IRAK4: variants seen among roughly 807,000 people sequenced by gnomAD.
IRAK4 encodes interleukin 1 receptor associated kinase 4.
In IRAK4, 44 loss-of-function variants were observed where a neutral mutation model predicts 51.8. That is an observed-to-expected ratio of 0.85 (90% CI 0.67 to 1.09). The LOEUF is 1.09. IRAK4 is among the 50% of genes least tolerant of loss of function. The pLI, the probability that IRAK4 is intolerant of heterozygous loss-of-function variation, is 0.00. For synonymous variants in IRAK4, 149 were observed against 174.1 expected (o/e 0.86, Z 1.13); for missense variants, 487 against 538.0 (o/e 0.91, Z 0.94).
intron 1 of IRAK4, chr12:43,760,783 C>T (rs954829401): frequency 6.6e-6 from 1 of 152,186 alleles, no homozygotes; most frequent in African/African-American, 2.4e-5. Flanking sequence ...TCTTTCATTT[C>T]ACTTGGCACC....
chr12:43,768,334 G>A (rs957530878), intron 2 of IRAK4, 62 bp downstream of exon 2: 1 of 1,282,374 alleles, frequency 7.8e-7, no homozygotes, highest in South Asian at 1.3e-5. Flanking sequence ...TGATTAATTG[G>A]TATAAGTACT....
chr12:43,788,861 G>A lies in IRAK4; in HGVS notation c.*2146G>A, dbSNP rs1942381145. On this transcript the variant is annotated 3_prime_UTR_variant, in exon 12 of 12. Transcript: ENST00000613694. ...TGGGTTTCAGACTTGCCAGGATCCT[G>A]TTGCCCCTTTCTTTAGCCAATTTCT... 2 of 152,104 alleles carry A rather than the reference G, an allele frequency of 1.3e-5. No individual in the cohort carries two copies. Among genetic ancestry groups the A allele is most frequent in the African/African-American group, 4.8e-5 (2 of 41,406 alleles). The allele number at this position is 152,104 out of a possible 1,614,324, so 9.4% of individuals were successfully genotyped here. A position where few individuals can be genotyped will look rare whatever the true frequency, so the allele number is the denominator to read the frequency against.
chr12:43,761,465 CTT>C (rs200552413), intron 1 of IRAK4, among the ~76,000 whole-genome samples: 3 of 145,994 alleles, frequency 2.1e-5, no homozygotes, highest in Admixed American at 1.4e-4. Context: ...ATAATTGCTC[CTT>C]TTTTTTTTTG....
chr12:43,768,187 A>G lies in IRAK4; in HGVS notation c.76A>G (p.Ile26Val), dbSNP rs768548402. ...ACTAATTAGGAAGCTGTCAGATTTT[A>G]TTGATCCTCAAGAAGGATGGAAGAA... The part of the protein sequence containing the change: ...VGLIRKLSDF[I>V]DPQEGWKKLA... The change falls in exon 2 of 12, where the codon ATT becomes GTT. Residue 26 changes from isoleucine (I) to valine (V), a missense_variant. Ile to Val is a conservative substitution (Grantham distance 29). Transcript: ENST00000613694. 2.2e-5 allele frequency: 35 copies of G among 1,613,216 alleles called. No individual in the cohort carries two copies. Among genetic ancestry groups the G allele is most frequent in the Non-Finnish European group, 2.9e-5 (34 of 1,179,460 alleles).
chr12:43,760,616 G>T (rs1939427694), intron 1 of IRAK4, among the ~76,000 whole-genome samples: 1 of 152,176 alleles, frequency 6.6e-6, no homozygotes, highest in African/African-American at 2.4e-5. Flanking sequence ...TCCAACCTTT[G>T]CATTTACATT....
intron 10 of IRAK4, among the ~76,000 whole-genome samples, chr12:43,784,392 A>C (rs1053288741): frequency 6.6e-6 from 1 of 152,130 alleles, no homozygotes; most frequent in Non-Finnish European, 1.5e-5. Context: ...ATAGCATCAG[A>C]GTCAGATCCC....
chr12:43,765,709 T>G (rs903572573), intron 1 of IRAK4, among the ~76,000 whole-genome samples: 3 of 152,056 alleles, frequency 2.0e-5, no homozygotes, highest in African/African-American at 7.2e-5. Flanking sequence ...ACCCCTTATA[T>G]ATGAGAATAC....
intron 1 of IRAK4, among the ~76,000 whole-genome samples, chr12:43,761,461 G>A (rs1939547704): frequency 1.3e-5 from 2 of 151,628 alleles, no homozygotes; most frequent in Admixed American, 6.6e-5. Context: ...AATAATAATT[G>A]CTCCTTTTTT....
In IRAK4 at chr12:43,786,455, T is replaced by C; in HGVS notation, c.1245T>C (p.Asp415=). 1.2e-6 allele frequency: 2 copies of C among 1,609,634 alleles called. No individual in the cohort carries two copies. The highest frequency in any genetic ancestry group is 1.7e-4 in the Middle Eastern group (1 of 6,038). The stretch of plus-strand genomic sequence containing the variant: ...AAAAGACAATTGAAGATTATATTGA[T>C]AAAAAGATGAATGATGCTGATTCCA... ...DEEKTIEDYI[D]KKMNDADSTS... Residue 415 remains aspartate (D), a synonymous_variant, in exon 11 of 12, where the codon GAT becomes GAC. Transcript: ENST00000613694.
Position 43,789,438 on chromosome 12 carries a change from A to G in IRAK4, c.*2723A>G, listed in dbSNP as rs1432339561. 1 of 152,180 alleles carries G rather than the reference A, an allele frequency of 6.6e-6. No individual in the cohort carries two copies. The highest frequency in any genetic ancestry group is 1.9e-4 in the East Asian group (1 of 5,202). 9.4% of individuals were successfully genotyped at this position (152,180 alleles called of 1,614,324 possible). On this transcript the variant is annotated 3_prime_UTR_variant, in exon 12 of 12. Coordinates refer to ENST00000613694, the MANE Select transcript of IRAK4 (RefSeq NM_016123.4). ...AACAAACCTTTTTTCTTTATAAATT[A>G]CCCAGCCTCAGTTATTCCTTTATAG...
intron 2 of IRAK4, among the ~76,000 whole-genome samples, chr12:43,769,869 A>C (rs1032316074): frequency 3.3e-5 from 5 of 152,184 alleles, no homozygotes; most frequent in African/African-American, 1.2e-4. Flanking sequence ...GCTTAATCTG[A>C]ATTTAATCAT....
At position 43,786,283 on chromosome 12, in the gene IRAK4, A is replaced by G. The variant is rs138820383; in HGVS notation, c.1189-116A>G. Reference sequence around the variant, plus strand: ...TCTTAATAAGGTTTTAAGATAAGATAGTAAAATGAGAGCACATGTTATTAC... The same window carrying G: ...TCTTAATAAGGTTTTAAGATAAGATGGTAAAATGAGAGCACATGTTATTAC... On this transcript the variant is annotated intron_variant, in intron 10 of 11. Transcript: ENST00000613694. 0.019 allele frequency: 11,970 copies of G among 633,926 alleles called. 210 individuals are homozygous for G. The highest frequency in any genetic ancestry group is 0.063 in the South Asian group (1,304 of 20,786). The allele number at this position is 633,926 out of a possible 1,614,324, so 39.3% of individuals were successfully genotyped here.
chr12:43,776,061 A>G (rs1941241546), intron 6 of IRAK4, among the ~76,000 whole-genome samples: 1 of 151,356 alleles, frequency 6.6e-6, no homozygotes, highest in Non-Finnish European at 1.5e-5. Flanking sequence ...TTGTTTTTGT[A>G]TTTTTAGTAG....
At chr12:43,763,987 T>C (rs1398933127) in intron 1 of IRAK4, among the ~76,000 whole-genome samples, 1 of 152,236 alleles carries the variant, frequency 6.6e-6, no homozygotes, top group Non-Finnish European at 1.5e-5. Context: ...AAAATTCTTC[T>C]TTCACATCAT....
intron 1 of IRAK4, chr12:43,759,699 G>C (rs1430016228): frequency 6.6e-6 from 1 of 152,208 alleles, no homozygotes; most frequent in Non-Finnish European, 1.5e-5. Flanking sequence ...TGAAACCCCT[G>C]TCTCTACTAA....
chr12:43,774,769 A>G (rs1433400266), intron 6 of IRAK4, among the ~76,000 whole-genome samples: 1 of 152,226 alleles, frequency 6.6e-6, no homozygotes, highest in Admixed American at 6.5e-5. Flanking sequence ...TGTGCTGGAA[A>G]ATTGTTGGAC....
intron 6 of IRAK4, among the ~76,000 whole-genome samples, chr12:43,774,437 C>T (rs754650234): frequency 5.3e-5 from 8 of 151,954 alleles, no homozygotes; most frequent in South Asian, 2.1e-4. Context: ...TTAGTAGAGA[C>T]GGGGTTTCAC....
chr12:43,773,201 A>G (rs1042084216), intron 5 of IRAK4, 129 bp downstream of exon 5: 2 of 895,576 alleles, frequency 2.2e-6, no homozygotes, highest in African/African-American at 3.4e-5. Context: ...ATCATTCTAA[A>G]TAGTAGTTCT....
chr12:43,786,389 C>T lies in IRAK4; in HGVS notation c.1189-10C>T. On this transcript the variant is annotated splice_polypyrimidine_tract_variant and intron_variant, in intron 10 of 11. Transcript: ENST00000613694. ...TTGAAGCTCTTAAAGTTTTAACACTCATTTTAAAGCTAGATATTAAAGAAG... is the reference window on the plus strand; with the variant it reads ...TTGAAGCTCTTAAAGTTTTAACACTTATTTTAAAGCTAGATATTAAAGAAG... 1 of 1,533,896 alleles carries T rather than the reference C, an allele frequency of 6.5e-7. No homozygotes were observed. Among genetic ancestry groups the T allele is most frequent in the Non-Finnish European group, 8.9e-7 (1 of 1,122,932 alleles).
Sources: gnomAD v4.1 joint callset for allele counts (sites outside exome capture counted in the v4.1 genomes callset) on GRCh38, gnomAD v4.1.1 for gene constraint, MANE v1.5 for transcripts, NCBI Gene and HGNC (gene_info 2026-07-23, HGNC 2026-07-21) for gene names.